Variants in RPTOR observed in about 807,000 individuals in gnomAD.
RPTOR encodes regulatory associated protein of MTOR complex 1.
In RPTOR, 21 loss-of-function variants were observed where a neutral mutation model predicts 169.9. That is an observed-to-expected ratio of 0.12 (90% confidence interval 0.09 to 0.18). The LOEUF (loss-of-function observed/expected upper bound fraction) is 0.18, where lower values mean the gene tolerates loss of function less well. RPTOR is among the 10% of genes least tolerant of loss of function. The pLI is 1.00. For synonymous variants in RPTOR, 732 were observed against 753.2 expected (o/e 0.97, Z 0.46); for missense variants, 1,133 against 1,855.9 (o/e 0.61, Z 7.16).
In RPTOR at chr17:80,590,765, T is replaced by G. The variant is rs148013121; in HGVS notation, c.163-34926T>G. Among the ~76,000 whole-genome samples, 19 of 152,396 alleles carry G rather than the reference T, an allele frequency of 1.2e-4. No individual in the cohort carries two copies. In the East Asian group the frequency reaches 3.7e-3, roughly 29 times the overall value. ...CTCTTTTTTTAAAGTAAGTGACCTG[T>G]AATTTTTTCCTGTACAGTTTTTGTT... On this transcript the variant is annotated intron_variant, in intron 1 of 33. Transcript: ENST00000306801.
In RPTOR at chr17:80,860,347, G is replaced by T. The variant is rs114861950; in HGVS notation, c.1509+2447G>T. Among the ~76,000 whole-genome samples the T allele has an allele frequency of 1.4e-3, 213 of 152,304 alleles. No individual in the cohort carries two copies. Among genetic ancestry groups the T allele is most frequent in the African/African-American group, 5.0e-3 (207 of 41,570 alleles). ...GAGCCACAGGCTCGTACCCCGCACT[G>T]TGCGCTCTCACCCGTCAGCCCTGCA... On this transcript the variant is annotated intron_variant, in intron 13 of 33. Coordinates refer to ENST00000306801, the MANE Select transcript of RPTOR (RefSeq NM_020761.3). The surrounding 1 kb of genome is among the most constrained non-coding windows in gnomAD (Gnocchi z 5.8).
chr17:80,639,369 T>G (rs2065534240), intron 2 of RPTOR, among the ~76,000 whole-genome samples: 1 of 151,960 alleles, frequency 6.6e-6, no homozygotes, highest in Admixed American at 6.6e-5. Flanking sequence ...GATGGGGCTT[T>G]CAGTGTGAAC....
At chr17:80,893,558 A>G (rs1455266895) in intron 19 of RPTOR, 149 bp from the exon 20 acceptor site, 2 of 952,392 alleles carry the variant, frequency 2.1e-6, no homozygotes, top group Admixed American at 2.9e-5. Context: ...GTGTGTGCGC[A>G]CCAGGGTGTG....
At chr17:80,742,856 A>G (rs901346645) in intron 5 of RPTOR, among the ~76,000 whole-genome samples, 1 of 152,022 alleles carries the variant, frequency 6.6e-6, no homozygotes, top group African/African-American at 2.4e-5. Context: ...ACACATATAC[A>G]TGTGCACACA....
intron 3 of RPTOR, among the ~76,000 whole-genome samples, chr17:80,694,850 CCTT>C (rs2066023113): frequency 6.6e-6 from 1 of 152,178 alleles, no homozygotes; most frequent in Non-Finnish European, 1.5e-5. Flanking sequence ...GGCATGTTGG[CCTT>C]CTCGAGGGGA....
chr17:80,855,664 G>A (rs147269822), intron 12 of RPTOR, 117 bp downstream of exon 12: 2 of 775,726 alleles, frequency 2.6e-6, no homozygotes, highest in Non-Finnish European at 4.4e-6. Context: ...GTGAGACCCA[G>A]GGCGAGTGTG....
chr17:80,892,243 A>T (rs1323838598), intron 18 of RPTOR, among the ~76,000 whole-genome samples: 1 of 152,062 alleles, frequency 6.6e-6, no homozygotes, highest in South Asian at 2.1e-4. Flanking sequence ...ACTGGAGAGT[A>T]CAGTTCCTAT....
chr17:80,705,208 G>A (rs578144030), intron 3 of RPTOR, among the ~76,000 whole-genome samples: 85 of 152,378 alleles, frequency 5.6e-4, no homozygotes, highest in Non-Finnish European at 9.4e-4. Flanking sequence ...AAGATCCCGC[G>A]TTATCAGTTG....
chr17:80,634,348 A>ATGTGCGTACTGTGTGTG (rs2065473127), intron 2 of RPTOR, among the ~76,000 whole-genome samples: 1 of 34,460 alleles, frequency 2.9e-5, no homozygotes, highest in African/African-American at 1.0e-4. Flanking sequence ...TACTGTGTGC[A>ATGTGCGTACTGTGTGTG]TGTGCGTACT....
intron 5 of RPTOR, among the ~76,000 whole-genome samples, chr17:80,740,728 A>C (rs1218136088): frequency 6.6e-6 from 1 of 152,228 alleles, no homozygotes; most frequent in Non-Finnish European, 1.5e-5. Context: ...CAAACAAAAA[A>C]AAAACTTTCA....
At position 80,707,849 on chromosome 17, in the gene RPTOR, C is replaced by T. The variant is rs1298967346; in HGVS notation, c.357C>T (p.Tyr119=). 1.2e-6 allele frequency: 2 copies of T among 1,612,134 alleles called. No individual in the cohort carries two copies. Among genetic ancestry groups the T allele is most frequent in the South Asian group, 2.2e-5 (2 of 90,958 alleles). Residue 119 remains tyrosine, a synonymous_variant, in exon 4 of 34, where the codon TAC becomes TAT. Transcript: ENST00000306801. The surrounding 1 kb of genome is among the most constrained non-coding windows in gnomAD (Gnocchi z 5.0). ...TTCTTCTCCTGCAACAGGCCCGGTA[C>T]AAGCAGAGCCTTGACCCAACTGTGG... The part of the protein sequence containing the change: ...QYENWQPRAR[Y]KQSLDPTVDE...
chr17:80,668,781 G>A (rs1364834984), intron 3 of RPTOR, among the ~76,000 whole-genome samples: 2 of 152,192 alleles, frequency 1.3e-5, no homozygotes, highest in African/African-American at 2.4e-5. Flanking sequence ...CAGGCAGAGC[G>A]GGTCCTGCTG....
In RPTOR at chr17:80,925,471, C is replaced by T. The variant is rs752249189; in HGVS notation, c.2910C>T (p.Pro970=). ...CDWSARYFAQ[P]VMKIPEEHDL... Reference sequence around the variant, plus strand: ...GGAGCGCCCGCTATTTTGCCCAGCCCGTCATGAAGGTGCGCCCGGGGTGTG... The same window carrying T: ...GGAGCGCCCGCTATTTTGCCCAGCCTGTCATGAAGGTGCGCCCGGGGTGTG... Residue 970 remains proline, a synonymous_variant, in exon 24 of 34, where the codon CCC becomes CCT. Transcript: ENST00000306801. 8.7e-6 allele frequency: 14 copies of T among 1,613,084 alleles called. No homozygotes were observed. The highest frequency in any genetic ancestry group is 5.5e-5 in the South Asian group (5 of 91,082).
intron 13 of RPTOR, among the ~76,000 whole-genome samples, chr17:80,880,213 G>A (rs576113056): frequency 6.6e-6 from 1 of 152,178 alleles, no homozygotes; most frequent in Non-Finnish European, 1.5e-5. Flanking sequence ...GGGCGTTCGT[G>A]GGATCCCTCC....
In RPTOR at chr17:80,965,004, G is replaced by A. The variant is rs756046699; in HGVS notation, c.*674G>A. ...AGGAAGCGCACAGCCCACCCTCCCC[G>A]CACCTCCAGGTCTCTGGACTCCAGT... On this transcript the variant is annotated 3_prime_UTR_variant, in exon 34 of 34. Transcript: ENST00000306801. 7 of 233,340 alleles carry A rather than the reference G, an allele frequency of 3.0e-5. No individual in the cohort carries two copies. Among genetic ancestry groups the A allele is most frequent in the South Asian group, 1.8e-4 (1 of 5,532 alleles). 14.5% of individuals were successfully genotyped at this position (233,340 alleles called of 1,614,324 possible).
intron 3 of RPTOR, among the ~76,000 whole-genome samples, chr17:80,667,489 C>T (rs1421346208): frequency 1.3e-5 from 2 of 152,200 alleles, no homozygotes; most frequent in Non-Finnish European, 1.5e-5. Flanking sequence ...TTTTTCTACT[C>T]ATCCCACTTT....
At chr17:80,729,475 C>T (rs1167606072) in intron 4 of RPTOR, among the ~76,000 whole-genome samples, 1 of 152,198 alleles carries the variant, frequency 6.6e-6, no homozygotes, top group Non-Finnish European at 1.5e-5. Flanking sequence ...ACATTCTCCT[C>T]TGCATTTACC....
rs544372612 is a variant in RPTOR, at chr17:80,583,312, T to A, written c.162+37521T>A. Reference sequence around the variant, plus strand: ...CAAGTGATTCTCCCCTGCCTCAGCCTCCTGAGTAGCTGGGATTACAGGTGG... The same window carrying A: ...CAAGTGATTCTCCCCTGCCTCAGCCACCTGAGTAGCTGGGATTACAGGTGG... On this transcript the variant is annotated intron_variant, in intron 1 of 33. Transcript: ENST00000306801. 4.7e-5 allele frequency among the ~76,000 whole-genome samples: 7 copies of A among 150,490 alleles called. No individual in the cohort carries two copies. In the South Asian group the frequency reaches 1.3e-3, roughly 27 times the overall value.
At chr17:80,927,732 C>CTGTGTGTTCCTG (rs1555636517) in intron 24 of RPTOR, among the ~76,000 whole-genome samples, 1 of 146,514 alleles carries the variant, frequency 6.8e-6, no homozygotes, top group African/African-American at 2.6e-5. Flanking sequence ...CTGTGTGTTT[C>CTGTGTGTTCCTG]TGTGTGTCTG....
Sources: gnomAD v4.1 joint callset for allele counts (sites outside exome capture counted in the v4.1 genomes callset) on GRCh38, gnomAD v4.1.1 for gene constraint, Gnocchi (gnomAD v3.1) non-coding constraint, MANE v1.5 for transcripts, NCBI Gene and HGNC (gene_info 2026-07-23, HGNC 2026-07-21) for gene names.